Variants in GALNT13 observed in about 807,000 individuals in gnomAD.
The protein encoded by GALNT13 is polypeptide N-acetylgalactosaminyltransferase 13.
GALNT13 carries 28 observed loss-of-function variants against 64.2 expected under a neutral mutation model. The observed-to-expected ratio is 0.44, with a 90% CI of 0.32 to 0.60. The LOEUF (loss-of-function observed/expected upper bound fraction) is 0.60, where lower values mean the gene tolerates loss of function less well. GALNT13 is among the 20% of genes least tolerant of loss of function. The pLI is 0.05. For synonymous variants in GALNT13, 214 were observed against 224.6 expected (o/e 0.95, Z 0.42); for missense variants, 577 against 669.8 (o/e 0.86, Z 1.53).
chr2:154,116,051 C>T (rs1167707790), intron 3 of GALNT13, among the ~76,000 whole-genome samples: 2 of 152,112 alleles, frequency 1.3e-5, no homozygotes, highest in Non-Finnish European at 2.9e-5. Context: ...CATTATCTTG[C>T]CTGGCAACTG....
the GALNT13 span, among the ~76,000 whole-genome samples, chr2:153,593,885 CAG>C: frequency 6.6e-6 from 1 of 152,048 alleles, no homozygotes; most frequent in Non-Finnish European, 1.5e-5. Context: ...AAATCTTGTA[CAG>C]AGAGTAATGT....
At chr2:153,203,239 A>G in the GALNT13 span, among the ~76,000 whole-genome samples, 2 of 152,218 alleles carry the variant, frequency 1.3e-5, no homozygotes, top group Non-Finnish European at 2.9e-5. Flanking sequence ...AAACAGAGCA[A>G]TTTAGTTTTT....
chr2:154,354,516 G>T (rs546630330), intron 9 of GALNT13, among the ~76,000 whole-genome samples: 1 of 133,610 alleles, frequency 7.5e-6, no homozygotes, highest in African/African-American at 2.8e-5. Context: ...TTTCCTCTAC[G>T]TTCCCTTCTA....
At chr2:154,108,754 T>C (rs922783009) in intron 3 of GALNT13, among the ~76,000 whole-genome samples, 1 of 152,090 alleles carries the variant, frequency 6.6e-6, no homozygotes, top group African/African-American at 2.4e-5. Flanking sequence ...CATTTTAGGG[T>C]ATGAGTTTTG....
chr2:154,176,425 T>C (rs1685657943), intron 4 of GALNT13, among the ~76,000 whole-genome samples: 1 of 151,850 alleles, frequency 6.6e-6, no homozygotes, highest in Non-Finnish European at 1.5e-5. Context: ...GCTAATTTTT[T>C]GTATTTTTAG....
chr2:153,722,555 C>T, the GALNT13 span, among the ~76,000 whole-genome samples: 468 of 149,342 alleles, frequency 3.1e-3, 2 homozygotes, highest in African/African-American at 7.8e-3. Context: ...ATTGATAGAC[C>T]GCTAACAAGA....
At chr2:153,831,796 C>T in the GALNT13 span, among the ~76,000 whole-genome samples, 3 of 152,156 alleles carry the variant, frequency 2.0e-5, no homozygotes, top group Non-Finnish European at 4.4e-5. Context: ...CCTGAGTGGA[C>T]TCTCGCTAAT....
chr2:153,221,474 C>CA, the GALNT13 span, among the ~76,000 whole-genome samples: 23 of 152,178 alleles, frequency 1.5e-4, no homozygotes, highest in Admixed American at 4.6e-4. Flanking sequence ...GCCTTCAGGA[C>CA]AATAAAGATT....
intron 1 of GALNT13, among the ~76,000 whole-genome samples, chr2:153,874,917 A>G (rs6738631): frequency 0.089 from 13,581 of 152,148 alleles, 1,555 homozygotes; most frequent in East Asian, 0.62. Context: ...GCATCTCTCA[A>G]TCTCCTTACC....
At chr2:154,114,924 T>C (rs556223760) in intron 3 of GALNT13, among the ~76,000 whole-genome samples, 19 of 152,234 alleles carry the variant, frequency 1.2e-4, no homozygotes, top group Non-Finnish European at 2.2e-4. Context: ...TGGCTTCTGC[T>C]GCCTGGGATC....
chr2:153,760,022 T>G, the GALNT13 span, among the ~76,000 whole-genome samples: 1 of 152,086 alleles, frequency 6.6e-6, no homozygotes, highest in Admixed American at 6.6e-5. Flanking sequence ...CTGAATAAGT[T>G]GTATGTATCT....
At chr2:153,479,436 CAG>C in the GALNT13 span, among the ~76,000 whole-genome samples, 2 of 152,120 alleles carry the variant, frequency 1.3e-5, no homozygotes, top group South Asian at 2.1e-4. Flanking sequence ...GATTGGGAGA[CAG>C]AGCAAGGCAG....
chr2:154,277,692 C>T (rs2105933846), intron 8 of GALNT13, among the ~76,000 whole-genome samples: 1 of 152,174 alleles, frequency 6.6e-6, no homozygotes, highest in South Asian at 2.1e-4. Context: ...TACGTAATTA[C>T]TACTGAGAAA....
intron 4 of GALNT13, among the ~76,000 whole-genome samples, chr2:154,219,691 A>G (rs888863469): frequency 2.2e-4 from 34 of 152,044 alleles, no homozygotes; most frequent in African/African-American, 8.2e-4. Context: ...GGCCAGGGGT[A>G]CTTTTTGGGA....
At chr2:153,982,748 C>A (rs1057079584) in intron 3 of GALNT13, among the ~76,000 whole-genome samples, 5 of 151,904 alleles carry the variant, frequency 3.3e-5, no homozygotes, top group Non-Finnish European at 7.4e-5. Context: ...CATAATACTT[C>A]ATTTTTATTT....
intron 3 of GALNT13, among the ~76,000 whole-genome samples, chr2:154,097,686 G>T (rs1702143258): frequency 9.5e-6 from 1 of 104,966 alleles, no homozygotes; most frequent in Non-Finnish European, 1.9e-5. Flanking sequence ...CTAGACCTTG[G>T]CTCAGAAAAA....
intron 4 of GALNT13, among the ~76,000 whole-genome samples, chr2:154,167,244 C>T (rs1685082695): frequency 2.0e-5 from 3 of 152,116 alleles, no homozygotes; most frequent in Admixed American, 2.0e-4. Context: ...GGCATATTCC[C>T]TGCCATTGCA....
intron 4 of GALNT13, among the ~76,000 whole-genome samples, chr2:154,187,369 AACACACACACACACACACAC>A (rs10578569): frequency 1.4e-4 from 19 of 140,350 alleles, no homozygotes; most frequent in African/African-American, 3.4e-4. Flanking sequence ...GATAGGAGAA[AACACACACACACACACACAC>A]ACACACACAC....
the GALNT13 span, among the ~76,000 whole-genome samples, chr2:153,182,734 T>G: frequency 1.3e-5 from 2 of 152,220 alleles, no homozygotes; most frequent in Non-Finnish European, 2.9e-5. Flanking sequence ...GTTCCTGCAT[T>G]AGTTTGCTGA....
Sources: allele counts gnomAD v4.1 joint callset (sites outside exome capture counted in the v4.1 genomes callset), GRCh38; gene constraint gnomAD v4.1.1; transcripts MANE v1.5; gene names NCBI Gene and HGNC (gene_info 2026-07-23, HGNC 2026-07-21).